RNLS: variants seen among roughly 807,000 people sequenced by gnomAD.
The protein encoded by RNLS is renalase, FAD dependent amine oxidase.
Under a neutral mutation model 39.8 loss-of-function variants are expected in RNLS, and 39 were observed. The observed-to-expected ratio is 0.98, with a 90% CI of 0.76 to 1.28. The LOEUF (loss-of-function observed/expected upper bound fraction) is 1.28. Ranked by LOEUF, RNLS falls within the 50% of genes most tolerant of loss-of-function variation. The pLI is 0.00. For synonymous variants in RNLS, 147 were observed against 150.7 expected (o/e 0.98, Z 0.18); for missense variants, 410 against 413.3 (o/e 0.99, Z 0.07).
At chr10:88,487,710 T>C (rs907663669) in intron 4 of RNLS, among the ~76,000 whole-genome samples, 1 of 149,442 alleles carries the variant, frequency 6.7e-6, no homozygotes, top group South Asian at 2.1e-4. Flanking sequence ...TAACATATGA[T>C]CCAGCCATTT....
At chr10:88,564,316 TACAC>T (rs5786827) in intron 4 of RNLS, among the ~76,000 whole-genome samples, 113,873 of 148,920 alleles carry the variant, frequency 0.76, 43,484 homozygotes, top group East Asian at 0.93. Context: ...TGACTGCAAA[TACAC>T]ACACACACAC....
downstream of RNLS, chr10:88,284,001 G>T (rs1843117274): frequency 7.9e-6 from 3 of 377,990 alleles, no homozygotes; most frequent in Non-Finnish European, 1.1e-5. Context: ...GTCAAATATG[G>T]GCGAAAATAA....
intron 4 of RNLS, among the ~76,000 whole-genome samples, chr10:88,547,259 T>C (rs1445299331): frequency 1.3e-5 from 2 of 152,200 alleles, no homozygotes; most frequent in African/African-American, 4.8e-5. Flanking sequence ...ACACTTGAAG[T>C]CCATGATCAC....
the RNLS span, among the ~76,000 whole-genome samples, chr10:88,197,416 T>C: frequency 1.3e-5 from 2 of 152,168 alleles, no homozygotes; most frequent in East Asian, 1.9e-4. Flanking sequence ...GGGTCTGCTA[T>C]TGCATGTCAG....
At chr10:88,513,995 G>A (rs1027999607) in intron 4 of RNLS, among the ~76,000 whole-genome samples, 7 of 151,270 alleles carry the variant, frequency 4.6e-5, no homozygotes, top group East Asian at 1.9e-4. Context: ...TGGGTACAAC[G>A]TTCTATCGAT....
chr10:88,353,805 A>G (rs1294238427), intron 5 of RNLS, among the ~76,000 whole-genome samples: 4 of 152,152 alleles, frequency 2.6e-5, no homozygotes, highest in Non-Finnish European at 4.4e-5. Context: ...GATGTTGACA[A>G]TGAGGTGTTA....
intron 4 of RNLS, among the ~76,000 whole-genome samples, chr10:88,546,722 G>A (rs1039430826): frequency 2.0e-5 from 3 of 152,070 alleles, no homozygotes; most frequent in Admixed American, 2.0e-4. Context: ...TGTGTCATAT[G>A]TCAATAATTA....
At chr10:88,179,403 G>T in the RNLS span, among the ~76,000 whole-genome samples, 3 of 152,218 alleles carry the variant, frequency 2.0e-5, no homozygotes, top group South Asian at 2.1e-4. Flanking sequence ...CTTGGTAAAT[G>T]GTCATGATTC....
At chr10:88,414,486 G>A (rs1853894505) in intron 4 of RNLS, among the ~76,000 whole-genome samples, 1 of 152,140 alleles carries the variant, frequency 6.6e-6, no homozygotes, top group Non-Finnish European at 1.5e-5. Context: ...ACTACCATTT[G>A]AGACTATTGA....
At chr10:88,213,733 T>G in the RNLS span, among the ~76,000 whole-genome samples, 1 of 152,172 alleles carries the variant, frequency 6.6e-6, no homozygotes, top group African/African-American at 2.4e-5. Flanking sequence ...TACATGATGA[T>G]TCTGTGGTTC....
chr10:88,445,784 C>T (rs1446562586), intron 4 of RNLS, among the ~76,000 whole-genome samples: 1 of 152,170 alleles, frequency 6.6e-6, no homozygotes, highest in Non-Finnish European at 1.5e-5. Flanking sequence ...TATACATGCA[C>T]CCAATACAGG....
intron 4 of RNLS, among the ~76,000 whole-genome samples, chr10:88,524,523 T>C (rs987629187): frequency 2.0e-5 from 3 of 152,144 alleles, no homozygotes; most frequent in African/African-American, 7.2e-5. Flanking sequence ...CTTAACTCTG[T>C]TATCTATATT....
At chr10:88,408,488 A>T (rs1226352702) in intron 4 of RNLS, among the ~76,000 whole-genome samples, 2 of 152,052 alleles carry the variant, frequency 1.3e-5, no homozygotes, top group Non-Finnish European at 2.9e-5. Flanking sequence ...CCTCACTGCC[A>T]CATGAGGACA....
chr10:88,403,286 T>A (rs1164189949), intron 4 of RNLS, among the ~76,000 whole-genome samples: 1 of 152,078 alleles, frequency 6.6e-6, no homozygotes, highest in Non-Finnish European at 1.5e-5. Flanking sequence ...ACATACAAAC[T>A]TATATATACA....
At chr10:88,225,827 A>G in the RNLS span, among the ~76,000 whole-genome samples, 2 of 152,246 alleles carry the variant, frequency 1.3e-5, no homozygotes, top group East Asian at 1.9e-4. Context: ...TTTAGTTACT[A>G]AACACACAAA....
intron 4 of RNLS, among the ~76,000 whole-genome samples, chr10:88,378,208 T>TA (rs544417110): frequency 3.5e-4 from 52 of 148,226 alleles, no homozygotes; most frequent in Middle Eastern, 3.4e-3. Flanking sequence ...TACAGCTAAC[T>TA]AAAAAAAAAA....
intron 4 of RNLS, among the ~76,000 whole-genome samples, chr10:88,384,235 T>C (rs1851726336): frequency 6.6e-6 from 1 of 152,322 alleles, no homozygotes; most frequent in South Asian, 2.1e-4. Context: ...CTACTAAAGA[T>C]AATTCTCAAA....
At chr10:88,440,210 G>T (rs929630247) in intron 4 of RNLS, among the ~76,000 whole-genome samples, 1 of 152,136 alleles carries the variant, frequency 6.6e-6, no homozygotes, top group African/African-American at 2.4e-5. Context: ...CAGTCCTCTT[G>T]ACATCTTAAC....
intron 5 of RNLS, among the ~76,000 whole-genome samples, chr10:88,339,199 A>G (rs528852172): frequency 7.9e-5 from 12 of 152,312 alleles, no homozygotes; most frequent in African/African-American, 2.9e-4. Context: ...ATGTGAGGGG[A>G]GCAAGTTAAG....
Sources: allele counts gnomAD v4.1 joint callset (sites outside exome capture counted in the v4.1 genomes callset), GRCh38; gene constraint gnomAD v4.1.1; transcripts MANE v1.5; gene names NCBI Gene and HGNC (gene_info 2026-07-23, HGNC 2026-07-21).